Variants in HCK observed in about 807,000 individuals in gnomAD.
The protein encoded by HCK is tyrosine-protein kinase HCK.
In HCK, 40 loss-of-function variants were observed where a neutral mutation model predicts 70.4. The ratio of observed to expected loss-of-function variants is 0.57; its 90% CI spans 0.44 to 0.74. The LOEUF (loss-of-function observed/expected upper bound fraction) is 0.74, where lower values mean the gene tolerates loss of function less well. Among genes scored for constraint, HCK ranks in the 30% least tolerant of loss-of-function variants. HCK has a pLI of 0.00. For synonymous variants in HCK, 245 were observed against 263.2 expected, an observed-to-expected ratio of 0.93 and a Z score of 0.67; for missense variants, 568 against 697.2, an observed-to-expected ratio of 0.81 and a Z score of 2.09.
At chr20:32,077,511 CTGTTT>C (rs66527980) in intron 5 of HCK, among the ~76,000 whole-genome samples, 70,258 of 150,772 alleles carry the variant, frequency 0.47, 18,503 homozygotes, top group African/African-American at 0.73. Context: ...CACCTTGTTC[CTGTTT>C]TGTTTTGTTT....
chr20:32,094,694 GAAAAGAAAAGA>G (rs1217608523), intron 11 of HCK, among the ~76,000 whole-genome samples: 1 of 87,848 alleles, frequency 1.1e-5, no homozygotes, highest in African/African-American at 5.9e-5. Flanking sequence ...CAAAAGAAAA[GAAAAGAAAAGA>G]AAAGAAAGAA....
intron 10 of HCK, 75 bp from the exon 11 acceptor site, chr20:32,093,788 C>A: frequency 7.0e-7 from 1 of 1,428,630 alleles, no homozygotes; most frequent in Non-Finnish European, 9.5e-7. Flanking sequence ...TTGAACACCT[C>A]TCTGCTGCTT....
At chr20:32,090,160 G>A (rs1207189862) in intron 10 of HCK, among the ~76,000 whole-genome samples, 2 of 152,234 alleles carry the variant, frequency 1.3e-5, no homozygotes, top group African/African-American at 4.8e-5. Context: ...CAATAGACTG[G>A]TCTGTTGCTA....
At chr20:32,096,499 C>CAAA (rs55905450) in intron 11 of HCK, among the ~76,000 whole-genome samples, 10 of 92,454 alleles carry the variant, frequency 1.1e-4, no homozygotes, top group Non-Finnish European at 1.5e-4. Context: ...GACTCCGTCT[C>CAAA]AAAAAAAAAA....
At position 32,079,793 on chromosome 20, in the gene HCK, A is replaced by T. The variant is rs1568988300; in HGVS notation, c.448A>T (p.Ser150Cys). 9 of 1,613,950 alleles carry T rather than the reference A, an allele frequency of 5.6e-6. No individual in the cohort carries two copies. Among genetic ancestry groups the T allele is most frequent in the African/African-American group, 1.3e-5 (1 of 75,046 alleles). The change falls in exon 6 of 13, where the codon AGC becomes TGC. Residue 150 changes from serine to cysteine, a missense_variant. By Grantham distance (112) the Ser-to-Cys change is moderately radical (BLOSUM62 -1). Coordinates refer to ENST00000375852, the MANE Select transcript of HCK (RefSeq NM_002110.5). ...CATCAGGTGGTTTTTCAAGGGCATC[A>T]GCCGGAAGGACGCAGAGCGCCAACT...
At chr20:32,058,307 G>A (rs1318534455) in intron 1 of HCK, among the ~76,000 whole-genome samples, 1 of 152,052 alleles carries the variant, frequency 6.6e-6, no homozygotes, top group Non-Finnish European at 1.5e-5. Context: ...CAAAGCAGGT[G>A]GATCACCTGA....
At chr20:32,063,799 T>C (rs1432185064) in intron 1 of HCK, among the ~76,000 whole-genome samples, 2 of 151,372 alleles carry the variant, frequency 1.3e-5, no homozygotes, top group Non-Finnish European at 2.9e-5. Flanking sequence ...AACTCAAAAC[T>C]GGCTCAAGCA....
chr20:32,084,149 C>A, intron 7 of HCK, 106 bp downstream of exon 7: 1 of 1,262,074 alleles, frequency 7.9e-7, no homozygotes. Context: ...CTTGGCCATC[C>A]CCTAGACAGA....
chr20:32,056,480 C>T (rs1242631817), intron 1 of HCK, among the ~76,000 whole-genome samples: 1 of 151,622 alleles, frequency 6.6e-6, no homozygotes, highest in Non-Finnish European at 1.5e-5. Flanking sequence ...CGAGCCACTG[C>T]ACTCTAGCCT....
chr20:32,084,353 T>C, intron 7 of HCK, 38 bp from the exon 8 acceptor site: 1 of 1,585,146 alleles, frequency 6.3e-7, no homozygotes. Flanking sequence ...GCTGGCTCGG[T>C]GCTTGTTGCT....
At chr20:32,098,050 A>G (rs995379387) in intron 11 of HCK, among the ~76,000 whole-genome samples, 2 of 151,368 alleles carry the variant, frequency 1.3e-5, no homozygotes, top group African/African-American at 4.9e-5. Flanking sequence ...ATTTTATTTT[A>G]TTTTATTTTA....
chr20:32,053,783 T>G (rs1350761884), intron 1 of HCK, among the ~76,000 whole-genome samples: 1 of 152,144 alleles, frequency 6.6e-6, no homozygotes, highest in Non-Finnish European at 1.5e-5. Context: ...CAGCATCACC[T>G]GGACTGCTTG....
chr20:32,086,577 C>A (rs762602289), intron 8 of HCK, 51 bp from the exon 9 acceptor site: 2 of 1,491,662 alleles, frequency 1.3e-6, no homozygotes, highest in Non-Finnish European at 1.8e-6. Context: ...TAGGGTGGTA[C>A]GGGAGACCAG....
At position 32,100,251 on chromosome 20, in the gene HCK, G is replaced by A. The variant is rs138807863; in HGVS notation, c.1379-1066G>A. Among the ~76,000 whole-genome samples the A allele has an allele frequency of 2.1e-4, 32 of 152,152 alleles. No individual in the cohort carries two copies. The East Asian group carries it at 2.3e-3, about 11-fold the overall frequency. ...AGAGACAAGGTATTGCTATGTTGCC[G>A]GGCTGGTGATTTCCATTTTTAAGCG... is the stretch of plus-strand genomic sequence containing the variant. On this transcript the variant is annotated intron_variant, in intron 12 of 12. Coordinates refer to ENST00000375852, the MANE Select transcript of HCK (RefSeq NM_002110.5).
chr20:32,060,067 T>C (rs1284887064), intron 1 of HCK, among the ~76,000 whole-genome samples: 1 of 152,124 alleles, frequency 6.6e-6, no homozygotes, highest in Non-Finnish European at 1.5e-5. Flanking sequence ...AAAGTGGCCC[T>C]GGTGGTGAAC....
Position 32,052,416 on chromosome 20 carries a change from G to A in HCK, c.-9G>A. The A allele has an allele frequency of 7.8e-7, 1 of 1,286,748 alleles. No individual in the cohort carries two copies. Among genetic ancestry groups the A allele is most frequent in the Non-Finnish European group, 9.9e-7 (1 of 1,007,720 alleles). The allele number at this position is 1,286,748 out of a possible 1,614,324, so 79.7% of individuals were successfully genotyped here. Reference sequence around the variant, plus strand: ...GCACTGGCACCCCGGAACCTCAGGGGCTGCCGAGCTGGGGGGGCGCTCAAG... The same window carrying A: ...GCACTGGCACCCCGGAACCTCAGGGACTGCCGAGCTGGGGGGGCGCTCAAG... On this transcript the variant is annotated 5_prime_UTR_variant, in exon 1 of 13. Coordinates refer to ENST00000375852, the MANE Select transcript of HCK (RefSeq NM_002110.5).
chr20:32,085,373 G>T (rs554838611), intron 8 of HCK, among the ~76,000 whole-genome samples: 17 of 152,072 alleles, frequency 1.1e-4, no homozygotes, highest in Non-Finnish European at 2.1e-4. Context: ...AATTAGCCAG[G>T]CGTGGTGGTG....
chr20:32,091,847 T>A (rs940208567), intron 10 of HCK, among the ~76,000 whole-genome samples: 36 of 151,642 alleles, frequency 2.4e-4, no homozygotes, highest in Admixed American at 2.4e-3. Flanking sequence ...TAATCTGGCA[T>A]AGTGGCATGC....
chr20:32,086,175 G>A (rs242611), intron 8 of HCK, among the ~76,000 whole-genome samples: 72,201 of 151,908 alleles, frequency 0.48, 19,051 homozygotes, highest in African/African-American at 0.72. Flanking sequence ...GCCCACAACT[G>A]CGCCTGGCTA....
Sources: allele counts gnomAD v4.1 joint callset (sites outside exome capture counted in the v4.1 genomes callset), GRCh38; gene constraint gnomAD v4.1.1; transcripts MANE v1.5; gene names NCBI Gene and HGNC (gene_info 2026-07-23, HGNC 2026-07-21).